Variants in KLHL29 observed in about 807,000 individuals in gnomAD.
KLHL29 encodes the protein kelch like family member 29.
KLHL29 carries 21 observed loss-of-function variants against 80.4 expected under a neutral mutation model. The ratio of observed to expected loss-of-function variants is 0.26; its 90% CI spans 0.19 to 0.38. KLHL29 has a LOEUF of 0.38. Ranked by LOEUF, KLHL29 falls within the 10% of genes least tolerant of loss-of-function variation. KLHL29 has a pLI of 1.00. For synonymous variants in KLHL29, 511 were observed against 526.8 expected (o/e 0.97, Z 0.41); for missense variants, 867 against 1,223.9 (o/e 0.71, Z 4.35).
intron 3 of KLHL29, among the ~76,000 whole-genome samples, chr2:23,600,558 C>T (rs1007545287): frequency 2.6e-4 from 40 of 152,158 alleles, no homozygotes; most frequent in African/African-American, 9.2e-4. Flanking sequence ...GCAGGGCTCC[C>T]GGGCTTTCCT....
chr2:23,520,998 C>A (rs547493184), intron 2 of KLHL29, among the ~76,000 whole-genome samples: 12 of 151,498 alleles, frequency 7.9e-5, no homozygotes, highest in Non-Finnish European at 1.3e-4. Flanking sequence ...GACCACCCCC[C>A]CCCCCGCTCC....
intron 12 of KLHL29, 61 bp from the exon 13 acceptor site, chr2:23,703,655 AAAG>A (rs1390835377): frequency 1.7e-5 from 25 of 1,469,364 alleles, no homozygotes; most frequent in Non-Finnish European, 2.2e-5. Context: ...GTCTTCTGGG[AAAG>A]AAAAGGAGAG....
At chr2:23,435,885 TTCTC>T (rs961171316) in intron 1 of KLHL29, among the ~76,000 whole-genome samples, 167 of 151,624 alleles carry the variant, frequency 1.1e-3, no homozygotes, top group Non-Finnish European at 1.7e-3. Context: ...TTTTCTTTCT[TTCTC>T]TCTCTCTCTC....
intron 2 of KLHL29, among the ~76,000 whole-genome samples, chr2:23,535,030 A>G (rs530760807): frequency 1.4e-4 from 21 of 152,342 alleles, no homozygotes; most frequent in African/African-American, 4.3e-4. Context: ...AGGTGCATGC[A>G]TTTGTCAAAA....
chr2:23,662,143 C>T (rs1670425585), intron 5 of KLHL29, among the ~76,000 whole-genome samples: 1 of 152,142 alleles, frequency 6.6e-6, no homozygotes, highest in Non-Finnish European at 1.5e-5. Flanking sequence ...GCAGAGGGGG[C>T]TCTCTGGGCT....
At chr2:23,544,667 G>A (rs1419711517) in intron 2 of KLHL29, among the ~76,000 whole-genome samples, 1 of 152,206 alleles carries the variant, frequency 6.6e-6, no homozygotes, top group Non-Finnish European at 1.5e-5. Flanking sequence ...GGGCAGAGAA[G>A]GCCTCACTGA....
intron 5 of KLHL29, among the ~76,000 whole-genome samples, chr2:23,657,819 T>A (rs1670287811): frequency 6.6e-6 from 1 of 152,030 alleles, no homozygotes; most frequent in Non-Finnish European, 1.5e-5. Flanking sequence ...GTCACCGGGA[T>A]GTATTTGCTG....
chr2:23,620,513 C>A (rs1669147863), intron 3 of KLHL29, among the ~76,000 whole-genome samples: 1 of 152,042 alleles, frequency 6.6e-6, no homozygotes, highest in Non-Finnish European at 1.5e-5. Flanking sequence ...CAGTTAAAGC[C>A]AAGTCCCAAA....
Position 23,691,910 on chromosome 2 carries a change from G to T in KLHL29, c.1282+34G>T, listed in dbSNP as rs2551352. The T allele has an allele frequency of 0.02, 30,054 of 1,537,108 alleles. 321 individuals carry two copies. The highest frequency in any genetic ancestry group is 0.03 in the South Asian group (2,501 of 83,900). On this transcript the variant is annotated intron_variant, in intron 7 of 13. Coordinates refer to ENST00000486442, the MANE Select transcript of KLHL29 (RefSeq NM_052920.2). ...GGGGGCCACATATGTCGCTTGGGGG[G>T]AAGAGTGCAGATGGGCGGAGAACTC...
At chr2:23,609,285 A>G (rs1668800352) in intron 3 of KLHL29, among the ~76,000 whole-genome samples, 2 of 152,138 alleles carry the variant, frequency 1.3e-5, no homozygotes, top group African/African-American at 4.8e-5. Context: ...GTCGAGGACT[A>G]TAGGATGAGT....
chr2:23,516,156 C>T (rs1326358430), intron 2 of KLHL29, among the ~76,000 whole-genome samples: 4 of 152,080 alleles, frequency 2.6e-5, no homozygotes, highest in African/African-American at 4.8e-5. Context: ...CTGCCCTGCC[C>T]AGCCTGGCTG....
At chr2:23,556,378 C>T (rs1452658282) in intron 2 of KLHL29, among the ~76,000 whole-genome samples, 1 of 152,114 alleles carries the variant, frequency 6.6e-6, no homozygotes, top group Non-Finnish European at 1.5e-5. Flanking sequence ...GTGGCTCACA[C>T]CTGTAATCCC....
intron 1 of KLHL29, among the ~76,000 whole-genome samples, chr2:23,454,155 C>T (rs868211931): frequency 6.6e-6 from 1 of 152,160 alleles, no homozygotes; most frequent in African/African-American, 2.4e-5. Flanking sequence ...AATACACATT[C>T]GATTGAGTCA....
chr2:23,469,453 G>A (rs571116280), intron 1 of KLHL29, among the ~76,000 whole-genome samples: 21 of 152,300 alleles, frequency 1.4e-4, no homozygotes, highest in African/African-American at 4.8e-4. Context: ...AGCACGCCAC[G>A]CAGCCCGCAG....
chr2:23,466,907 G>A (rs978535479), intron 1 of KLHL29, among the ~76,000 whole-genome samples: 1 of 152,196 alleles, frequency 6.6e-6, no homozygotes, highest in African/African-American at 2.4e-5. Flanking sequence ...TTTCCTGGAA[G>A]CTCTTTAGTG....
At chr2:23,391,366 A>G (rs993814280) in intron 1 of KLHL29, among the ~76,000 whole-genome samples, 2 of 152,350 alleles carry the variant, frequency 1.3e-5, no homozygotes, top group East Asian at 1.9e-4. Flanking sequence ...GAACAGGAGT[A>G]TAAGACATCC....
chr2:23,481,046 G>A (rs1664784796), intron 2 of KLHL29, among the ~76,000 whole-genome samples: 1 of 152,178 alleles, frequency 6.6e-6, no homozygotes, highest in African/African-American at 2.4e-5. Context: ...TCTCGAAACG[G>A]TAACTCTCAA....
At chr2:23,551,372 C>A (rs932504557) in intron 2 of KLHL29, among the ~76,000 whole-genome samples, 11 of 151,996 alleles carry the variant, frequency 7.2e-5, no homozygotes, top group Admixed American at 2.0e-4. Flanking sequence ...ACATCAAAAC[C>A]CACGGCCAGA....
At chr2:23,670,997 C>T (rs1248190054) in intron 5 of KLHL29, among the ~76,000 whole-genome samples, 4 of 75,358 alleles carry the variant, frequency 5.3e-5, no homozygotes, top group Admixed American at 4.8e-4. Context: ...TCCCTCCCTC[C>T]CTCCCCCCCC....
Sources: gnomAD v4.1 joint callset for allele counts (sites outside exome capture counted in the v4.1 genomes callset) on GRCh38, gnomAD v4.1.1 for gene constraint, MANE v1.5 for transcripts, NCBI Gene and HGNC (gene_info 2026-07-23, HGNC 2026-07-21) for gene names.